Variants in ANK1 observed in about 807,000 individuals in gnomAD.
The protein encoded by ANK1 is ankyrin 1.
ANK1 carries 51 observed loss-of-function variants against 210.4 expected under a neutral mutation model. That is an observed-to-expected ratio of 0.24 (90% CI 0.19 to 0.31). The LOEUF (loss-of-function observed/expected upper bound fraction) is 0.31, where lower values mean the gene tolerates loss of function less well. Ranked by LOEUF, ANK1 falls within the 10% of genes least tolerant of loss-of-function variation. ANK1 has a pLI of 1.00. For missense variants in ANK1, 2,051 were observed against 2,504.4 expected (o/e 0.82, Z 3.86); for synonymous variants, 967 against 1,025.9 (o/e 0.94, Z 1.10).
In ANK1 at chr8:41,704,227, G is replaced by A. The variant is rs1823921585; in HGVS notation, c.2197-88C>T. 3.6e-6 allele frequency: 5 copies of A among 1,389,648 alleles called. No homozygotes were observed. The highest frequency in any genetic ancestry group is 5.1e-6 in the Non-Finnish European group (5 of 978,012). The allele number at this position is 1,389,648 out of a possible 1,614,324, so 86.1% of individuals were successfully genotyped here. A position where few individuals can be genotyped will look rare whatever the true frequency, so the allele number is the denominator to read the frequency against. On this transcript the variant is annotated intron_variant, in intron 19 of 42. Coordinates refer to ENST00000289734, the MANE Select transcript of ANK1 (RefSeq NM_000037.4). This position sits in a 1 kb window ranked among gnomAD's most constrained non-coding sequence, Gnocchi z 4.1. The stretch of plus-strand genomic sequence containing the variant: ...ATGATAGTGCCTGCCCATCTTCGAA[G>A]TGGGACATTAATGAAATGCATTTTC...
At chr8:41,777,352 A>G (rs1844272920) in intron 1 of ANK1, among the ~76,000 whole-genome samples, 1 of 152,178 alleles carries the variant, frequency 6.6e-6, no homozygotes, top group Non-Finnish European at 1.5e-5. Flanking sequence ...AGGCAGGTGG[A>G]TCACCTGAGG....
intron 1 of ANK1, among the ~76,000 whole-genome samples, chr8:41,785,222 G>A (rs1221306738): frequency 6.6e-6 from 1 of 152,102 alleles, no homozygotes; most frequent in Non-Finnish European, 1.5e-5. Context: ...TTAGCCAGGG[G>A]TGTGGTGCAT....
chr8:41,761,651 A>G (rs1486683627), intron 1 of ANK1, among the ~76,000 whole-genome samples: 1 of 152,150 alleles, frequency 6.6e-6, no homozygotes, highest in African/African-American at 2.4e-5. Context: ...AACCATGGGA[A>G]ACTCATGCAC....
At chr8:41,885,682 G>A (rs1437107662) in intron 1 of ANK1, among the ~76,000 whole-genome samples, 1 of 152,220 alleles carries the variant, frequency 6.6e-6, no homozygotes, top group Non-Finnish European at 1.5e-5. Flanking sequence ...GATCAGCAGG[G>A]AAACAGTCTC....
chr8:41,761,371 G>A (rs965218203), intron 1 of ANK1, among the ~76,000 whole-genome samples: 112 of 150,622 alleles, frequency 7.4e-4, no homozygotes, highest in Non-Finnish European at 1.5e-3. Flanking sequence ...AGACCTGTGT[G>A]CACACACACA....
chr8:41,662,501 C>T (rs1255848049), intron 40 of ANK1, among the ~76,000 whole-genome samples: 2 of 152,212 alleles, frequency 1.3e-5, no homozygotes, highest in Non-Finnish European at 2.9e-5. Flanking sequence ...CCCCTCGAGC[C>T]CACAGCCTTC....
At chr8:41,826,355 G>A (rs887623424) in intron 1 of ANK1, among the ~76,000 whole-genome samples, 1 of 152,094 alleles carries the variant, frequency 6.6e-6, no homozygotes, top group Non-Finnish European at 1.5e-5. Context: ...CCACCTTGAT[G>A]TAACCTCAGA....
intron 38 of ANK1, among the ~76,000 whole-genome samples, chr8:41,670,345 G>T (rs747452585): frequency 1.3e-5 from 2 of 151,978 alleles, no homozygotes; most frequent in African/African-American, 4.8e-5. Context: ...GCTGACCAAG[G>T]TCACAGCACC....
At chr8:41,893,118 C>A (rs1819761568) in intron 1 of ANK1, among the ~76,000 whole-genome samples, 1 of 152,180 alleles carries the variant, frequency 6.6e-6, no homozygotes, top group African/African-American at 2.4e-5. Context: ...TTCCTGTCCT[C>A]TTCTCCTCCT....
At chr8:41,867,250 C>T (rs1239147058) in intron 1 of ANK1, among the ~76,000 whole-genome samples, 2 of 152,118 alleles carry the variant, frequency 1.3e-5, no homozygotes, top group Non-Finnish European at 2.9e-5. Flanking sequence ...CTTTTCCTCT[C>T]GTCTTGTGAT....
intron 1 of ANK1, among the ~76,000 whole-genome samples, chr8:41,769,658 A>G (rs1842607323): frequency 6.6e-6 from 1 of 152,236 alleles, no homozygotes; most frequent in Non-Finnish European, 1.5e-5. Flanking sequence ...TTGCACATTT[A>G]AAATGTACAA....
At chr8:41,752,757 A>G (rs990164239) in intron 2 of ANK1, among the ~76,000 whole-genome samples, 2 of 150,158 alleles carry the variant, frequency 1.3e-5, no homozygotes, top group African/African-American at 4.9e-5. Context: ...CCCTCATCCA[A>G]GATGCCCACA....
rs144235272 is a variant in ANK1, at chr8:41,741,846, G to A, written c.130-7777C>T. Among the ~76,000 whole-genome samples, 519 of 152,242 alleles carry A rather than the reference G, an allele frequency of 3.4e-3. 6 individuals carry two copies. Among genetic ancestry groups the A allele is most frequent in the African/African-American group, 0.012 (503 of 41,530 alleles). ...CTGCATCCTACATACTCCCTGTACT[G>A]AGCCCTTAAGGCCAGCTGTCCCCAT... is the stretch of plus-strand genomic sequence containing the variant. On this transcript the variant is annotated intron_variant, in intron 2 of 42. Transcript: ENST00000289734.
upstream of ANK1, among the ~76,000 whole-genome samples, chr8:41,800,589 A>G (rs1437104000): frequency 6.6e-6 from 1 of 152,206 alleles, no homozygotes; most frequent in Non-Finnish European, 1.5e-5. Context: ...CTGGGTTCCA[A>G]TGCCCCAGTC....
intron 16 of ANK1, among the ~76,000 whole-genome samples, chr8:41,712,700 T>C (rs1826490722): frequency 6.6e-6 from 1 of 152,168 alleles, no homozygotes; most frequent in African/African-American, 2.4e-5. Context: ...TTGGTTTGGG[T>C]GCAGAGAGAT....
intron 1 of ANK1, among the ~76,000 whole-genome samples, chr8:41,835,806 T>C (rs28743134): frequency 0.14 from 20,905 of 152,280 alleles, 4,827 homozygotes; most frequent in African/African-American, 0.47. Context: ...CCTCCCAGCC[T>C]ACACAATGGC....
chr8:41,835,153 G>T (rs945531688), intron 1 of ANK1, among the ~76,000 whole-genome samples: 4 of 152,214 alleles, frequency 2.6e-5, no homozygotes, highest in Admixed American at 2.6e-4. Context: ...GGGTCCCTTA[G>T]CAGAAGTTAG....
chr8:41,744,787 G>A (rs1835678595), intron 2 of ANK1, among the ~76,000 whole-genome samples: 10 of 152,166 alleles, frequency 6.6e-5, no homozygotes, highest in South Asian at 4.2e-4. Flanking sequence ...TGCCCACCTC[G>A]GCCTCCCAAA....
At position 41,694,829 on chromosome 8, in the gene ANK1, C is replaced by A. The variant is rs776280362; in HGVS notation, c.3116-26G>T. 1.9e-6 allele frequency: 3 copies of A among 1,611,046 alleles called. No homozygotes were observed. Among genetic ancestry groups the A allele is most frequent in the African/African-American group, 2.7e-5 (2 of 74,970 alleles). On this transcript the variant is annotated intron_variant, in intron 27 of 42. Transcript: ENST00000289734. The surrounding 1 kb of genome is among the most constrained non-coding windows in gnomAD (Gnocchi z 5.7). ...CTGGAATCACACACACAGGCCACCACCCCGGTCACATCAGGCACAGGTTCA... is the reference window on the plus strand; with the variant it reads ...CTGGAATCACACACACAGGCCACCAACCCGGTCACATCAGGCACAGGTTCA...
Sources: allele counts gnomAD v4.1 joint callset (sites outside exome capture counted in the v4.1 genomes callset), GRCh38; gene constraint gnomAD v4.1.1; non-coding constraint Gnocchi (gnomAD v3.1); transcripts MANE v1.5; gene names NCBI Gene and HGNC (gene_info 2026-07-23, HGNC 2026-07-21).